Variants in KHDRBS2 observed in about 807,000 individuals in gnomAD.
KHDRBS2 encodes the protein KH RNA binding domain containing, signal transduction associated 2.
Under a neutral mutation model 44.3 loss-of-function variants are expected in KHDRBS2, and 26 were observed. The ratio of observed to expected loss-of-function variants is 0.59; its 90% CI spans 0.43 to 0.81. The LOEUF (loss-of-function observed/expected upper bound fraction) is 0.81. KHDRBS2 is among the 40% of genes least tolerant of loss of function. The pLI is 0.00. For synonymous variants in KHDRBS2, 194 were observed against 151.1 expected (o/e 1.28, Z -2.08); for missense variants, 476 against 433.1 (o/e 1.10, Z -0.88).
At chr6:62,224,566 G>C (rs183680612) in intron 1 of KHDRBS2, among the ~76,000 whole-genome samples, 1 of 152,060 alleles carries the variant, frequency 6.6e-6, no homozygotes, top group African/African-American at 2.4e-5. Flanking sequence ...ATCATTTTTC[G>C]CACTGGCACC....
At chr6:61,771,179 G>A (rs1417521786) in intron 6 of KHDRBS2, among the ~76,000 whole-genome samples, 8 of 152,054 alleles carry the variant, frequency 5.3e-5, no homozygotes, top group Non-Finnish European at 1.2e-4. Context: ...AAGAACTCCT[G>A]AAGGAAGCAC....
the KHDRBS2 span, among the ~76,000 whole-genome samples, chr6:61,613,502 T>C: frequency 2.6e-5 from 4 of 152,266 alleles, no homozygotes; most frequent in East Asian, 3.9e-4. Flanking sequence ...TCCTAATTAT[T>C]ATAGGATGAG....
At chr6:62,223,966 T>C (rs78057099) in intron 1 of KHDRBS2, among the ~76,000 whole-genome samples, 14 of 152,198 alleles carry the variant, frequency 9.2e-5, no homozygotes, top group Admixed American at 9.2e-4. Flanking sequence ...TCAAAACCTC[T>C]TCCTGTTACC....
intron 1 of KHDRBS2, among the ~76,000 whole-genome samples, chr6:62,235,069 G>A (rs542710941): frequency 1.6e-5 from 2 of 124,320 alleles, no homozygotes; most frequent in South Asian, 4.9e-4. Flanking sequence ...TTCCATTTAG[G>A]CTTTTTTTTT....
At chr6:61,645,641 G>A in the KHDRBS2 span, among the ~76,000 whole-genome samples, 3 of 152,024 alleles carry the variant, frequency 2.0e-5, no homozygotes, top group South Asian at 4.1e-4. Context: ...CCCAAAAGAT[G>A]TAACTGTGTG....
chr6:61,858,710 G>GC (rs1796491290), intron 6 of KHDRBS2, among the ~76,000 whole-genome samples: 1 of 151,628 alleles, frequency 6.6e-6, no homozygotes, highest in Non-Finnish European at 1.5e-5. Flanking sequence ...ACTATTTATT[G>GC]CCTGTAACTA....
chr6:61,720,608 C>T (rs1000514824), intron 7 of KHDRBS2, among the ~76,000 whole-genome samples: 4 of 152,136 alleles, frequency 2.6e-5, no homozygotes, highest in Admixed American at 1.3e-4. Flanking sequence ...GTCCTTTGCC[C>T]ACTTTTTGAT....
intron 2 of KHDRBS2, among the ~76,000 whole-genome samples, chr6:62,141,719 C>A (rs1419679614): frequency 5.3e-5 from 8 of 152,186 alleles, no homozygotes; most frequent in African/African-American, 1.9e-4. Context: ...TGAGCATTTA[C>A]TCTATCCTAA....
intron 8 of KHDRBS2, among the ~76,000 whole-genome samples, chr6:61,684,195 A>T (rs1364630479): frequency 2.6e-5 from 4 of 151,892 alleles, no homozygotes; most frequent in African/African-American, 9.7e-5. Flanking sequence ...GAACCAATGA[A>T]CGTTTTTCCA....
intron 1 of KHDRBS2, among the ~76,000 whole-genome samples, chr6:62,178,824 CAG>C (rs1361722791): frequency 1.3e-5 from 2 of 151,402 alleles, no homozygotes; most frequent in Admixed American, 1.3e-4. Context: ...AAGAATGTGA[CAG>C]TGTTTTACTT....
chr6:62,211,592 G>T (rs1403378625), intron 1 of KHDRBS2, among the ~76,000 whole-genome samples: 1 of 152,078 alleles, frequency 6.6e-6, no homozygotes, highest in Non-Finnish European at 1.5e-5. Context: ...TTTGAATACT[G>T]GTTCAAATGA....
intron 6 of KHDRBS2, among the ~76,000 whole-genome samples, chr6:61,826,546 C>T (rs897818030): frequency 6.6e-6 from 1 of 151,998 alleles, no homozygotes; most frequent in African/African-American, 2.4e-5. Flanking sequence ...ACTTCACCAT[C>T]CCTAGTTGAA....
chr6:61,859,106 A>C (rs1369851589), intron 6 of KHDRBS2, among the ~76,000 whole-genome samples: 1 of 151,798 alleles, frequency 6.6e-6, no homozygotes, highest in African/African-American at 2.4e-5. Context: ...AAACTATATA[A>C]GTACTATTTT....
intron 1 of KHDRBS2, among the ~76,000 whole-genome samples, chr6:62,279,249 A>G (rs533547669): frequency 2.6e-5 from 4 of 152,342 alleles, no homozygotes; most frequent in Admixed American, 6.5e-5. Flanking sequence ...CTGCATATGA[A>G]TAATTTTTCA....
intron 6 of KHDRBS2, among the ~76,000 whole-genome samples, chr6:61,883,794 T>C (rs1393754991): frequency 4.6e-5 from 7 of 152,070 alleles, no homozygotes; most frequent in Admixed American, 6.6e-5. Flanking sequence ...TTAGTTACAT[T>C]TCAAGAAACA....
chr6:61,720,846 C>T (rs530342945), intron 7 of KHDRBS2, among the ~76,000 whole-genome samples: 1,592 of 151,110 alleles, frequency 0.011, 27 homozygotes, highest in African/African-American at 0.037. Flanking sequence ...GACATGAAGT[C>T]CTTGCCCATG....
chr6:62,229,734 C>CG (rs1288613072), intron 1 of KHDRBS2, among the ~76,000 whole-genome samples: 1 of 152,112 alleles, frequency 6.6e-6, no homozygotes, highest in Admixed American at 6.5e-5. Context: ...TCTCACTTGG[C>CG]TGGGGGGTAG....
intron 1 of KHDRBS2, among the ~76,000 whole-genome samples, chr6:62,275,779 T>C (rs1449652468): frequency 6.6e-6 from 1 of 152,196 alleles, no homozygotes. Flanking sequence ...TTTCACACTT[T>C]TATTGGACAT....
At chr6:61,795,776 T>C (rs1785260138) in intron 6 of KHDRBS2, among the ~76,000 whole-genome samples, 2 of 152,310 alleles carry the variant, frequency 1.3e-5, no homozygotes, top group South Asian at 4.1e-4. Flanking sequence ...ACAGATAATA[T>C]GCTATATTCA....
Sources: allele counts gnomAD v4.1 joint callset (sites outside exome capture counted in the v4.1 genomes callset), GRCh38; gene constraint gnomAD v4.1.1; transcripts MANE v1.5; gene names NCBI Gene and HGNC (gene_info 2026-07-23, HGNC 2026-07-21).